The following TYW1 variants were observed in gnomAD, a reference collection of about 807,000 sequenced individuals.
TYW1 encodes the protein S-adenosyl-L-methionine-dependent tRNA 4-demethylwyosine synthase TYW1.
Under a neutral mutation model 96.2 loss-of-function variants are expected in TYW1, and 46 were observed. The ratio of observed to expected loss-of-function variants is 0.48; its 90% CI spans 0.38 to 0.61. TYW1 has a LOEUF of 0.61. TYW1 is among the 20% of genes least tolerant of loss of function. The pLI is 0.00. For synonymous variants in TYW1, 274 were observed against 323.0 expected (o/e 0.85, Z 1.63); for missense variants, 684 against 909.6 (o/e 0.75, Z 3.19).
intron 15 of TYW1, among the ~76,000 whole-genome samples, chr7:67,232,236 C>T (rs892942898): frequency 6.6e-6 from 1 of 151,368 alleles, no homozygotes; most frequent in African/African-American, 2.4e-5. Context: ...CCAGCCACTG[C>T]CCCCAGCCTC....
At chr7:67,170,183 G>A (rs1167498358) in intron 13 of TYW1, among the ~76,000 whole-genome samples, 4 of 152,122 alleles carry the variant, frequency 2.6e-5, no homozygotes, top group Non-Finnish European at 5.9e-5. Context: ...GTGTTGAAAA[G>A]ACTATTTTTT....
rs541083418 is a variant in TYW1, at chr7:67,218,359, A to T, written c.1978-19949A>T. 6.3e-3 allele frequency among the ~76,000 whole-genome samples: 928 copies of T among 147,222 alleles called. 5 individuals are homozygous for T. The highest frequency in any genetic ancestry group is 0.022 in the African/African-American group (871 of 40,226). ...AATTTTGTTTTATTTATATTTATTT[A>T]TTTTTTTTTTTTGAGATGGAGTCTC... On this transcript the variant is annotated intron_variant, in intron 15 of 15. Transcript: ENST00000359626.
At chr7:67,005,679 C>T (rs1469881429) in intron 3 of TYW1, among the ~76,000 whole-genome samples, 2 of 152,182 alleles carry the variant, frequency 1.3e-5, no homozygotes, top group Non-Finnish European at 1.5e-5. Flanking sequence ...GATTCAGTAC[C>T]ACTTGGCCCT....
intron 13 of TYW1, among the ~76,000 whole-genome samples, chr7:67,171,265 G>A (rs1354783215): frequency 6.6e-6 from 1 of 151,980 alleles, no homozygotes; most frequent in East Asian, 1.9e-4. Flanking sequence ...TCTGATTTTA[G>A]TTATCTGTGT....
At chr7:67,153,977 G>A (rs1192001845) in intron 13 of TYW1, among the ~76,000 whole-genome samples, 1 of 147,520 alleles carries the variant, frequency 6.8e-6, no homozygotes, top group African/African-American at 2.5e-5. Flanking sequence ...ACCCAGGCTG[G>A]AGCGCAGTGG....
chr7:67,020,322 G>C (rs1237130545), intron 6 of TYW1, among the ~76,000 whole-genome samples: 1 of 150,670 alleles, frequency 6.6e-6, no homozygotes, highest in African/African-American at 2.4e-5. Context: ...GTTCAAAGCT[G>C]CAGTGAGCTA....
chr7:67,029,078 A>C (rs1365336195), intron 7 of TYW1, among the ~76,000 whole-genome samples: 1 of 151,172 alleles, frequency 6.6e-6, no homozygotes, highest in African/African-American at 2.4e-5. Flanking sequence ...GGCTCACTGC[A>C]AGCTCTGCCT....
intron 14 of TYW1, among the ~76,000 whole-genome samples, chr7:67,186,438 T>C (rs1584670766): frequency 6.6e-6 from 1 of 152,178 alleles, no homozygotes; most frequent in East Asian, 1.9e-4. Flanking sequence ...CACCAAACTA[T>C]GAACATCACT....
chr7:67,220,485 A>G (rs1433226115), intron 15 of TYW1, among the ~76,000 whole-genome samples: 52 of 151,534 alleles, frequency 3.4e-4, no homozygotes, highest in African/African-American at 5.3e-4. Context: ...TTACAGGCCT[A>G]AGCCACCACG....
intron 13 of TYW1, among the ~76,000 whole-genome samples, chr7:67,168,205 T>G (rs1206723864): frequency 6.6e-6 from 1 of 151,828 alleles, no homozygotes; most frequent in East Asian, 1.9e-4. Context: ...TCTGCTAATA[T>G]GGTGAATTGC....
At chr7:67,069,294 CTT>C (rs1469802489) in intron 10 of TYW1, among the ~76,000 whole-genome samples, 5 of 152,306 alleles carry the variant, frequency 3.3e-5, no homozygotes, top group African/African-American at 1.2e-4. Context: ...CAGTCAAAAA[CTT>C]TGCCCATAAA....
In TYW1 at chr7:67,028,579, A is replaced by G. The variant is rs1241025936; in HGVS notation, c.984+3557A>G. On this transcript the variant is annotated intron_variant, in intron 7 of 15. Coordinates refer to ENST00000359626, the MANE Select transcript of TYW1 (RefSeq NM_018264.4). ...ACAAATGAAAACTACACTGATAAAC[A>G]TTTCTCGCCTTTCAGAATATAATAA... is the stretch of plus-strand genomic sequence containing the variant. 2.0e-5 allele frequency among the ~76,000 whole-genome samples: 3 copies of G among 152,288 alleles called. No individual in the cohort carries two copies. The South Asian group carries it at 6.2e-4, about 32-fold the overall frequency.
chr7:67,042,816 G>A lies in TYW1; in HGVS notation c.985-7133G>A, dbSNP rs570220198. Among the ~76,000 whole-genome samples, 3 of 152,084 alleles carry A rather than the reference G, an allele frequency of 2.0e-5. No homozygotes were observed. In the South Asian group the frequency reaches 6.2e-4, roughly 32 times the overall value. On this transcript the variant is annotated intron_variant, in intron 7 of 15. Coordinates refer to ENST00000359626, the MANE Select transcript of TYW1 (RefSeq NM_018264.4). ...GTTCAAGATCAGCCTGGCAAACATGGCGAAACCTCATTTCTACTAAAAATA... is the reference window on the plus strand; with the variant it reads ...GTTCAAGATCAGCCTGGCAAACATGACGAAACCTCATTTCTACTAAAAATA...
rs1797543077 is a variant in TYW1 at position 67,114,872 on chromosome 7, C to A, written c.1563-2611C>A. ...AAATGAGCTCTGTAATTCCTGGGGA[C>A]CTTTTCCTCTTCTCCATTCTTCCTC... is the stretch of plus-strand genomic sequence containing the variant. On this transcript the variant is annotated intron_variant, in intron 12 of 15. Transcript: ENST00000359626. 5.3e-5 allele frequency among the ~76,000 whole-genome samples: 8 copies of A among 152,136 alleles called. No homozygotes were observed. The South Asian group carries it at 1.7e-3, about 32-fold the overall frequency.
At position 67,050,002 on chromosome 7, in the gene TYW1, G is replaced by A. The variant is rs774111244; in HGVS notation, c.1038G>A (p.Arg346=). The change falls in exon 8 of 16, where the codon AGG becomes AGA. Residue 346 remains arginine (R), a synonymous_variant. Coordinates refer to ENST00000359626, the MANE Select transcript of TYW1 (RefSeq NM_018264.4). ...EKSGLFRNMG[R]NEDGERRAMI... ...CTGGTTTGTTCAGGAACATGGGGAG[G>A]AATGAAGATGGTGAAAGAAGAGCTA... 2.5e-6 allele frequency: 4 copies of A among 1,613,972 alleles called. No individual in the cohort carries two copies. Among genetic ancestry groups the A allele is most frequent in the Non-Finnish European group, 3.4e-6 (4 of 1,180,010 alleles).
intron 13 of TYW1, among the ~76,000 whole-genome samples, chr7:67,123,306 C>A (rs2116011040): frequency 6.6e-6 from 1 of 152,226 alleles, no homozygotes; most frequent in South Asian, 2.1e-4. Context: ...GGATTTAATG[C>A]CATTTTACCC....
intron 15 of TYW1, among the ~76,000 whole-genome samples, chr7:67,225,279 C>T (rs1801525662): frequency 6.7e-6 from 1 of 149,114 alleles, no homozygotes. Flanking sequence ...TTTCCAAATA[C>T]AAAGCCTACT....
intron 2 of TYW1, among the ~76,000 whole-genome samples, chr7:66,998,507 T>C (rs565646813): frequency 6.6e-6 from 1 of 152,180 alleles, no homozygotes; most frequent in African/African-American, 2.4e-5. Context: ...TTTCCATTAA[T>C]TAAGGATCAG....
Position 67,152,633 on chromosome 7 carries a change from C to T in TYW1, c.1699-30493C>T, listed in dbSNP as rs1218156072. ...TTTCTTTTCTTTGAGACAGAGTCTC[C>T]CTCTGTCACCCAGGCTAGAGTGCAG... On this transcript the variant is annotated intron_variant, in intron 13 of 15. Coordinates refer to ENST00000359626, the MANE Select transcript of TYW1 (RefSeq NM_018264.4). 3.3e-5 allele frequency among the ~76,000 whole-genome samples: 5 copies of T among 152,000 alleles called. 1 individual carries two copies. Among genetic ancestry groups the T allele is most frequent in the Non-Finnish European group, 5.9e-5 (4 of 68,006 alleles).
Sources: gnomAD v4.1 joint callset for allele counts (sites outside exome capture counted in the v4.1 genomes callset) on GRCh38, gnomAD v4.1.1 for gene constraint, MANE v1.5 for transcripts, NCBI Gene and HGNC (gene_info 2026-07-23, HGNC 2026-07-21) for gene names.